CFAP57: variants seen among roughly 807,000 people sequenced by gnomAD.
CFAP57 encodes the protein cilia and flagella associated protein 57.
In CFAP57, 116 loss-of-function variants were observed where a neutral mutation model predicts 146.8. That is an observed-to-expected ratio of 0.79 (90% CI 0.68 to 0.92). CFAP57 has a LOEUF of 0.92. CFAP57 is among the 40% of genes least tolerant of loss of function. The probability of loss-of-function intolerance (pLI) is 0.00; values close to 1 mark genes in which losing one functional copy is unlikely to be tolerated. For missense variants in CFAP57, 1,377 were observed against 1,527.2 expected, an observed-to-expected ratio of 0.90 and a Z score of 1.64; for synonymous variants, 518 against 552.8, an observed-to-expected ratio of 0.94 and a Z score of 0.88.
At chr1:43,225,149 C>A (rs1645198218) in intron 17 of CFAP57, among the ~76,000 whole-genome samples, 5 of 152,168 alleles carry the variant, frequency 3.3e-5, no homozygotes, top group Admixed American at 3.3e-4. Context: ...AAGAAAGAGA[C>A]AAAGGCCTCC....
At position 43,232,535 on chromosome 1, in the gene CFAP57, A is replaced by G; in HGVS notation, c.3037A>G (p.Lys1013Glu). 1 of 1,550,308 alleles carries G rather than the reference A, an allele frequency of 6.5e-7. No individual in the cohort carries two copies. The highest frequency in any genetic ancestry group is 1.2e-5 in the South Asian group (1 of 84,058). Residue 1013 changes from lysine (K) to glutamate (E), a missense_variant, in exon 19 of 23, where the codon AAG becomes GAG. Physicochemically the swap from Lys to Glu is moderately conservative, Grantham distance 56 (BLOSUM62 1). Transcript: ENST00000372492. The part of the protein sequence containing the change: ...EMEAELENFH[K>E]QNTQLELNIT... ...GGAAGCTGAACTGGAGAATTTCCAT[A>G]AGCAGAACACTCAACTGGAGCTGAA... is the stretch of plus-strand genomic sequence containing the variant.
intron 18 of CFAP57, among the ~76,000 whole-genome samples, chr1:43,229,008 C>G (rs114989200): frequency 0.02 from 2,967 of 148,890 alleles, 212 homozygotes; most frequent in Middle Eastern, 0.065. Flanking sequence ...GACCTGACCT[C>G]CTAATCCCAT....
chr1:43,239,232 GTGAATGAA>G (rs4019214), intron 21 of CFAP57, among the ~76,000 whole-genome samples: 28,286 of 151,692 alleles, frequency 0.19, 3,379 homozygotes, highest in African/African-American at 0.34. Context: ...ACATGAATAC[GTGAATGAA>G]TGAATGAATG....
At chr1:43,195,587 G>A (rs1045471194) in intron 6 of CFAP57, among the ~76,000 whole-genome samples, 2 of 151,726 alleles carry the variant, frequency 1.3e-5, no homozygotes, top group Non-Finnish European at 2.9e-5. Context: ...AGCAATGGAC[G>A]GTTGAAGACA....
In CFAP57 at chr1:43,232,528, T is replaced by C; in HGVS notation, c.3030T>C (p.Asn1010=). The C allele has an allele frequency of 6.5e-7, 1 of 1,550,228 alleles. No homozygotes were observed. Among genetic ancestry groups the C allele is most frequent in the Non-Finnish European group, 8.7e-7 (1 of 1,146,724 alleles). The change falls in exon 19 of 23, where the codon AAT becomes AAC. Residue 1010 remains asparagine, a synonymous_variant. Coordinates refer to ENST00000372492, the MANE Select transcript of CFAP57 (RefSeq NM_001378189.1). Reference sequence around the variant, plus strand: ...TACAGATGGAAGCTGAACTGGAGAATTTCCATAAGCAGAACACTCAACTGG... The same window carrying C: ...TACAGATGGAAGCTGAACTGGAGAACTTCCATAAGCAGAACACTCAACTGG... The part of the protein sequence containing the change: ...QIQEMEAELE[N]FHKQNTQLEL...
rs1366141821 is a variant in CFAP57 at position 43,206,590 on chromosome 1, C to T, written c.1543-130C>T. 3 of 827,340 alleles carry T rather than the reference C, an allele frequency of 3.6e-6. No homozygotes were observed. The African/African-American group carries it at 5.1e-5, about 14-fold the overall frequency. The allele number at this position is 827,340 out of a possible 1,614,324, so 51.2% of individuals were successfully genotyped here. A position where few individuals can be genotyped will look rare whatever the true frequency, so the allele number is the denominator to read the frequency against. The stretch of plus-strand genomic sequence containing the variant: ...CACAAGAAGCTATGTTTTGTGCTAA[C>T]AGAAGGGCCTACAGCAGGAAAGGAC... On this transcript the variant is annotated intron_variant, in intron 9 of 22. Coordinates refer to ENST00000372492, the MANE Select transcript of CFAP57 (RefSeq NM_001378189.1).
chr1:43,204,254 C>T lies in CFAP57; in HGVS notation c.1543-2466C>T, dbSNP rs151235486. ...TCCTACCTTCCTTTAATTATTTAAG[C>T]GTAGTTTCCTTTAGTTAATTGAACT... On this transcript the variant is annotated intron_variant, in intron 9 of 22. Coordinates refer to ENST00000372492, the MANE Select transcript of CFAP57 (RefSeq NM_001378189.1). Among the ~76,000 whole-genome samples, 1,496 of 152,226 alleles carry T rather than the reference C, an allele frequency of 9.8e-3. 12 individuals carry two copies. The highest frequency in any genetic ancestry group is 0.024 in the Admixed American group (367 of 15,282).
intron 18 of CFAP57, among the ~76,000 whole-genome samples, chr1:43,231,101 G>A (rs895480900): frequency 3.3e-5 from 5 of 152,130 alleles, no homozygotes; most frequent in Admixed American, 3.3e-4. Context: ...CACCACACTT[G>A]CCATTATTCG....
intron 18 of CFAP57, among the ~76,000 whole-genome samples, chr1:43,231,604 A>G (rs1311035967): frequency 2.0e-5 from 3 of 151,992 alleles, no homozygotes; most frequent in African/African-American, 7.3e-5. Flanking sequence ...CTGTAATCCC[A>G]GCACTTTGGG....
At position 43,227,121 on chromosome 1, in the gene CFAP57, C is replaced by G. The variant is rs1645276208; in HGVS notation, c.3004C>G (p.Gln1002Glu). 3 of 1,531,644 alleles carry G rather than the reference C, an allele frequency of 2.0e-6. No homozygotes were observed. Among genetic ancestry groups the G allele is most frequent in the Non-Finnish European group, 2.6e-6 (3 of 1,139,180 alleles). 94.9% of individuals were successfully genotyped at this position (1,531,644 alleles called of 1,614,324 possible). A position where few individuals can be genotyped will look rare whatever the true frequency, so the allele number is the denominator to read the frequency against. The part of the protein sequence containing the change: ...NEIRVMKEQI[Q>E]EMEAELENFH... ...GATCAGGGTGATGAAGGAACAGATT[C>G]AGGAGGTAAGAAGCCATTTGCAACA... Residue 1002 changes from glutamine (Q) to glutamate (E), a missense_variant, in exon 18 of 23, where the codon CAG becomes GAG. Gln to Glu is a conservative substitution (Grantham distance 29, BLOSUM62 2). Transcript: ENST00000372492.
rs1280820429 is a variant in CFAP57 at position 43,197,554 on chromosome 1, G to A, written c.1124G>A (p.Gly375Glu). The part of the protein sequence containing the change: ...ITMSLTEISK[G>E]EPAHFEYLMY... ...TCTTGTTCTGTGTGATTTCTCTAGGGGGAGCCTGCTCACTTTGAGTATTTG... is the reference window on the plus strand; with the variant it reads ...TCTTGTTCTGTGTGATTTCTCTAGGAGGAGCCTGCTCACTTTGAGTATTTG... The change falls in exon 7 of 23, where the codon GGG (glycine) becomes GAG (glutamate). Residue 375 changes from glycine (G) to glutamate (E), a missense_variant and splice_region_variant. By Grantham distance (98) the Gly-to-Glu change is moderately conservative. Transcript: ENST00000372492. 4 of 1,613,984 alleles carry A rather than the reference G, an allele frequency of 2.5e-6. No individual in the cohort carries two copies. The Admixed American group carries it at 6.7e-5, about 27-fold the overall frequency.
chr1:43,238,209 G>A lies in CFAP57; in HGVS notation c.3405+3571G>A, dbSNP rs151025165. ...GATTCCAAGTCCATGGAATAAATCT[G>A]TTGCCTGCTTTTTCCAGGCTGTGAG... On this transcript the variant is annotated intron_variant, in intron 21 of 22. Transcript: ENST00000372492. This position sits in a 1 kb window ranked among gnomAD's most constrained non-coding sequence, Gnocchi z 4.3. Among the ~76,000 whole-genome samples the A allele has an allele frequency of 6.6e-6, 1 of 152,262 alleles. No individual in the cohort carries two copies. The highest frequency in any genetic ancestry group is 1.9e-4 in the East Asian group (1 of 5,162).
intron 12 of CFAP57, among the ~76,000 whole-genome samples, chr1:43,218,081 T>G (rs1644905575): frequency 6.6e-6 from 1 of 152,182 alleles, no homozygotes; most frequent in African/African-American, 2.4e-5. Flanking sequence ...TGGCCAGGAA[T>G]GCAGAAATGT....
In CFAP57 at chr1:43,173,235, A is replaced by G. The variant is rs753755013; in HGVS notation, c.157+325A>G. Among the ~76,000 whole-genome samples, 45 of 152,216 alleles carry G rather than the reference A, an allele frequency of 3.0e-4. 1 individual carries two copies. Among genetic ancestry groups the G allele is most frequent in the Non-Finnish European group, 8.8e-5 (6 of 68,034 alleles). On this transcript the variant is annotated intron_variant, in intron 2 of 22. Transcript: ENST00000372492. ...AGAGCCACTTTTTGAGTTGTCTAACAGTTTTCCTGAGCACACCACCTTCAT... is the reference window on the plus strand; with the variant it reads ...AGAGCCACTTTTTGAGTTGTCTAACGGTTTTCCTGAGCACACCACCTTCAT...
chr1:43,203,312 G>GA (rs1402529385), intron 9 of CFAP57, among the ~76,000 whole-genome samples: 1 of 151,524 alleles, frequency 6.6e-6, no homozygotes, highest in Non-Finnish European at 1.5e-5. Flanking sequence ...CACTAATCTT[G>GA]AAAAAAACTC....
chr1:43,194,152 G>A (rs1643719396), intron 6 of CFAP57, among the ~76,000 whole-genome samples: 1 of 151,296 alleles, frequency 6.6e-6, no homozygotes, highest in Non-Finnish European at 1.5e-5. Flanking sequence ...ATATCTGCTA[G>A]CAACATATTT....
chr1:43,183,484 G>T, intron 3 of CFAP57, 107 bp from the exon 4 acceptor site: 1 of 987,932 alleles, frequency 1.0e-6, no homozygotes, highest in Non-Finnish European at 1.6e-6. Flanking sequence ...TGATGTTTTG[G>T]AGATATTCTG....
At chr1:43,234,093 C>T (rs1296162169) in intron 19 of CFAP57, among the ~76,000 whole-genome samples, 186 bp from the exon 20 acceptor site, 1 of 152,122 alleles carries the variant, frequency 6.6e-6, no homozygotes, top group African/African-American at 2.4e-5. Flanking sequence ...CAAGACTTTT[C>T]GTGCCTCCAC....
At chr1:43,186,604 C>T (rs1230248009) in intron 5 of CFAP57, 103 bp from the exon 6 acceptor site, 69 of 1,219,506 alleles carry the variant, frequency 5.7e-5, no homozygotes, top group Non-Finnish European at 7.6e-5. Context: ...GAGCGAGACT[C>T]CGTCTCAAAA....
Sources: allele counts gnomAD v4.1 joint callset (sites outside exome capture counted in the v4.1 genomes callset), GRCh38; gene constraint gnomAD v4.1.1; non-coding constraint Gnocchi (gnomAD v3.1); transcripts MANE v1.5; gene names NCBI Gene and HGNC (gene_info 2026-07-23, HGNC 2026-07-21).